COL25A1: variants seen among roughly 807,000 people sequenced by gnomAD.
COL25A1 encodes the protein collagen alpha-1(XXV) chain.
COL25A1 carries 103 observed loss-of-function variants against 128.4 expected under a neutral mutation model. The ratio of observed to expected loss-of-function variants is 0.80; its 90% CI spans 0.68 to 0.94. The LOEUF (loss-of-function observed/expected upper bound fraction) is 0.94. Ranked by LOEUF, COL25A1 falls within the 40% of genes least tolerant of loss-of-function variation. The probability of loss-of-function intolerance (pLI) is 0.00; values close to 1 mark genes in which losing one functional copy is unlikely to be tolerated. For synonymous variants in COL25A1, 279 were observed against 277.2 expected (o/e 1.01, Z -0.06); for missense variants, 745 against 840.0 (o/e 0.89, Z 1.40).
At chr4:109,289,696 G>T (rs1330234522) in intron 3 of COL25A1, among the ~76,000 whole-genome samples, 1 of 152,068 alleles carries the variant, frequency 6.6e-6, no homozygotes, top group Non-Finnish European at 1.5e-5. Flanking sequence ...CTAGAGAAAG[G>T]GAGGGAAGAT....
intron 35 of COL25A1, chr4:108,819,897 C>T: frequency 8.2e-7 from 1 of 1,218,188 alleles, no homozygotes; most frequent in Non-Finnish European, 1.0e-6. Context: ...TCCCTTTTCC[C>T]CCTGTGGATA....
intron 3 of COL25A1, among the ~76,000 whole-genome samples, chr4:109,120,697 T>C (rs1768028772): frequency 6.6e-6 from 1 of 151,778 alleles, no homozygotes; most frequent in South Asian, 2.1e-4. Context: ...TTGTCTCAGC[T>C]ACTTAAGAGG....
intron 3 of COL25A1, among the ~76,000 whole-genome samples, chr4:109,189,774 AT>A (rs375896985): frequency 7.9e-5 from 12 of 151,862 alleles, no homozygotes; most frequent in African/African-American, 1.7e-4. Flanking sequence ...GTATTTATCT[AT>A]TTTTTTGTCT....
At chr4:108,925,841 A>G (rs1480546864) in intron 11 of COL25A1, among the ~76,000 whole-genome samples, 2 of 152,172 alleles carry the variant, frequency 1.3e-5, no homozygotes, top group African/African-American at 4.8e-5. Context: ...ATATGAATAC[A>G]GCAAAGCCAA....
chr4:109,277,863 T>C (rs1262415438), intron 3 of COL25A1, among the ~76,000 whole-genome samples: 1 of 152,142 alleles, frequency 6.6e-6, no homozygotes, highest in East Asian at 1.9e-4. Context: ...TGGCCGGACA[T>C]GGTGGCTCAA....
At chr4:109,194,604 A>G (rs562145708) in intron 3 of COL25A1, among the ~76,000 whole-genome samples, 1 of 152,308 alleles carries the variant, frequency 6.6e-6, no homozygotes, top group Admixed American at 6.5e-5. Context: ...GCAATAGGTT[A>G]GGATAGGTAA....
intron 3 of COL25A1, among the ~76,000 whole-genome samples, chr4:109,055,510 G>A (rs1004487462): frequency 6.6e-6 from 1 of 152,138 alleles, no homozygotes; most frequent in African/African-American, 2.4e-5. Flanking sequence ...GTGGCTCAAT[G>A]CACTGCCTGT....
chr4:108,945,745 C>T (rs1210222206), intron 8 of COL25A1, among the ~76,000 whole-genome samples: 1 of 152,098 alleles, frequency 6.6e-6, no homozygotes, highest in East Asian at 1.9e-4. Flanking sequence ...CTCACTGCAA[C>T]CTCTGCCTTC....
chr4:108,845,285 A>G (rs1165972030), intron 28 of COL25A1, 34 bp from the exon 29 acceptor site: 4 of 1,564,048 alleles, frequency 2.6e-6, no homozygotes, highest in Non-Finnish European at 1.8e-6. Flanking sequence ...TTAAGCAGGT[A>G]AAGTTATTTC....
At chr4:108,848,625 A>C in intron 27 of COL25A1, 134 bp downstream of exon 27, 1 of 618,392 alleles carries the variant, frequency 1.6e-6, no homozygotes, top group Non-Finnish European at 2.8e-6. Context: ...GAGTCAATGA[A>C]GTCTCTAGAA....
At chr4:109,068,507 G>T (rs1762652445) in intron 3 of COL25A1, among the ~76,000 whole-genome samples, 1 of 152,010 alleles carries the variant, frequency 6.6e-6, no homozygotes, top group South Asian at 2.1e-4. Context: ...ACAAACTCAG[G>T]ATTTTAAAAA....
At chr4:108,835,861 CTTTTTTTTTTTTTTTT>C (rs1158184110) in intron 31 of COL25A1, among the ~76,000 whole-genome samples, 1 of 45,698 alleles carries the variant, frequency 2.2e-5, no homozygotes, top group Non-Finnish European at 3.7e-5. Context: ...TTACATACGT[CTTTTTTTTTTTTTTTT>C]TTTTTTTTTT....
At chr4:109,220,536 T>G (rs1304622508) in intron 3 of COL25A1, among the ~76,000 whole-genome samples, 2 of 152,190 alleles carry the variant, frequency 1.3e-5, no homozygotes, top group African/African-American at 4.8e-5. Context: ...ACTAATTCTA[T>G]CATGTATCAA....
chr4:109,186,770 T>G (rs1455225361), intron 3 of COL25A1, among the ~76,000 whole-genome samples: 1 of 152,222 alleles, frequency 6.6e-6, no homozygotes, highest in Non-Finnish European at 1.5e-5. Context: ...ACATAATGTT[T>G]GCCTTCCAGA....
At chr4:109,156,213 C>CA (rs1336447427) in intron 3 of COL25A1, among the ~76,000 whole-genome samples, 1 of 152,104 alleles carries the variant, frequency 6.6e-6, no homozygotes, top group Non-Finnish European at 1.5e-5. Flanking sequence ...TCAACTGAAA[C>CA]AAAAAACTAA....
intron 3 of COL25A1, among the ~76,000 whole-genome samples, chr4:109,099,298 G>A (rs1404030705): frequency 1.3e-5 from 2 of 152,100 alleles, no homozygotes; most frequent in Non-Finnish European, 2.9e-5. Context: ...CAACATAAAA[G>A]TTTTGTTAAA....
chr4:109,039,412 C>T (rs956379871), intron 5 of COL25A1, among the ~76,000 whole-genome samples: 2 of 152,144 alleles, frequency 1.3e-5, no homozygotes, highest in African/African-American at 2.4e-5. Flanking sequence ...CACCACTTCC[C>T]AAAATGACAG....
chr4:108,859,102 T>C (rs1468523254), intron 24 of COL25A1, among the ~76,000 whole-genome samples: 1 of 152,182 alleles, frequency 6.6e-6, no homozygotes, highest in Non-Finnish European at 1.5e-5. Context: ...GTAGCAGTAA[T>C]AAGAAATACA....
intron 3 of COL25A1, among the ~76,000 whole-genome samples, chr4:109,256,047 T>C (rs1431807054): frequency 6.6e-6 from 1 of 150,938 alleles, no homozygotes; most frequent in Non-Finnish European, 1.5e-5. Flanking sequence ...AGTAGCCACA[T>C]GGAGAAACTA....
Sources: allele counts gnomAD v4.1 joint callset (sites outside exome capture counted in the v4.1 genomes callset), GRCh38; gene constraint gnomAD v4.1.1; transcripts MANE v1.5; gene names NCBI Gene and HGNC (gene_info 2026-07-23, HGNC 2026-07-21).